Variants in OTOGL observed in about 807,000 individuals in gnomAD.
OTOGL encodes the protein otogelin-like protein.
In OTOGL, 285 loss-of-function variants were observed where a neutral mutation model predicts 318.5. The ratio of observed to expected loss-of-function variants is 0.89; its 90% CI spans 0.81 to 0.99. The LOEUF is 0.99. Among genes scored for constraint, OTOGL ranks in the 50% least tolerant of loss-of-function variants. OTOGL has a pLI of 0.00. For synonymous variants in OTOGL, 987 were observed against 936.5 expected, an observed-to-expected ratio of 1.05 and a Z score of -0.99; for missense variants, 2,899 against 2,845.6, an observed-to-expected ratio of 1.02 and a Z score of -0.43.
rs1880098531 is a variant in OTOGL at position 80,238,864 on chromosome 12, A to G, written c.831A>G (p.Glu277=). 1.3e-6 allele frequency: 2 copies of G among 1,550,470 alleles called. No individual in the cohort carries two copies. Among genetic ancestry groups the G allele is most frequent in the East Asian group, 2.4e-5 (1 of 42,422 alleles). The change falls in exon 10 of 59, where the codon GAA becomes GAG. Residue 277 remains glutamate, a synonymous_variant. Transcript: ENST00000547103. ...DFIILQEDYT[E]DIAMFANSWS... ...TGTGTGAAATAGAGGACTATACAGA[A>G]GACATCGCTATGTTTGCAAATAGTT...
In OTOGL at chr12:80,358,367, A is replaced by G; in HGVS notation, c.6121+18A>G. 6.6e-7 allele frequency: 1 copy of G among 1,522,290 alleles called. No homozygotes were observed. Among genetic ancestry groups the G allele is most frequent in the Non-Finnish European group, 9.0e-7 (1 of 1,108,894 alleles). The allele number at this position is 1,522,290 out of a possible 1,614,324, so 94.3% of individuals were successfully genotyped here. ...TTACTGTGGTAAGTGTATATTAACT[A>G]TTCTAAAATATTTAGATGTGTCCAA... On this transcript the variant is annotated intron_variant, in intron 50 of 58. Transcript: ENST00000547103.
intron 1 of OTOGL, among the ~76,000 whole-genome samples, chr12:80,151,346 C>A (rs1872769529): frequency 6.6e-6 from 1 of 152,160 alleles, no homozygotes; most frequent in African/African-American, 2.4e-5. Context: ...ACAGCTCAAA[C>A]AGGTATGCTT....
At chr12:80,111,080 C>T (rs752161725) in intron 1 of OTOGL, among the ~76,000 whole-genome samples, 1 of 152,114 alleles carries the variant, frequency 6.6e-6, no homozygotes, top group Non-Finnish European at 1.5e-5. Flanking sequence ...CTCTTCATAT[C>T]CTTTGCCCAC....
chr12:80,232,764 C>A, intron 8 of OTOGL, 128 bp from the exon 9 acceptor site: 1 of 864,268 alleles, frequency 1.2e-6, no homozygotes, highest in Non-Finnish European at 1.7e-6. Flanking sequence ...GGAGCTCTTG[C>A]TGCACAGCTT....
intron 8 of OTOGL, among the ~76,000 whole-genome samples, chr12:80,232,244 C>A (rs1879433085): frequency 6.6e-6 from 1 of 152,052 alleles, no homozygotes. Context: ...CACCTCTATG[C>A]AATACTGTAT....
chr12:80,342,219 G>A, intron 44 of OTOGL, 57 bp downstream of exon 44: 2 of 1,314,476 alleles, frequency 1.5e-6, no homozygotes, highest in Non-Finnish European at 2.1e-6. Context: ...GAGAGTAAAA[G>A]CCAATACGTT....
intron 44 of OTOGL, among the ~76,000 whole-genome samples, chr12:80,345,142 TTA>T (rs1889102760): frequency 1.5e-5 from 2 of 137,018 alleles, no homozygotes; most frequent in Admixed American, 8.1e-5. Flanking sequence ...ATAATATATA[TTA>T]TATGTTATAT....
At chr12:80,170,178 G>GGT (rs532627744) in intron 1 of OTOGL, among the ~76,000 whole-genome samples, 17,914 of 144,026 alleles carry the variant, frequency 0.12, 1,098 homozygotes, top group Middle Eastern at 0.18. Context: ...CTTTGTCAGG[G>GGT]GTGTGTGTGT....
intron 21 of OTOGL, among the ~76,000 whole-genome samples, 179 bp downstream of exon 21, chr12:80,266,795 G>T (rs1883014625): frequency 1.3e-5 from 2 of 151,902 alleles, no homozygotes; most frequent in Admixed American, 1.3e-4. Flanking sequence ...ATCTCTGATG[G>T]TTGATCTTGA....
At chr12:80,243,176 G>A (rs541915755) in intron 11 of OTOGL, among the ~76,000 whole-genome samples, 1 of 152,200 alleles carries the variant, frequency 6.6e-6, no homozygotes. Flanking sequence ...TGAAAGCAGT[G>A]TGAGAGAATG....
intron 55 of OTOGL, among the ~76,000 whole-genome samples, chr12:80,368,905 A>G (rs1379637483): frequency 1.3e-5 from 2 of 151,836 alleles, no homozygotes; most frequent in Admixed American, 6.6e-5. Flanking sequence ...TAGCATAAAT[A>G]TAATCTATTA....
At chr12:80,328,797 T>C (rs1233281828) in intron 36 of OTOGL, 53 bp downstream of exon 36, 8 of 1,473,868 alleles carry the variant, frequency 5.4e-6, no homozygotes, top group Non-Finnish European at 6.6e-6. Context: ...CTTGCATATG[T>C]TTTTTCCGAG....
intron 1 of OTOGL, among the ~76,000 whole-genome samples, chr12:80,135,600 A>T (rs566790683): frequency 5.3e-5 from 8 of 152,212 alleles, no homozygotes; most frequent in Admixed American, 5.2e-4. Flanking sequence ...TCTGAATGAC[A>T]GTCATACTCT....
intron 1 of OTOGL, among the ~76,000 whole-genome samples, chr12:80,193,549 G>A (rs1260422253): frequency 6.6e-6 from 1 of 151,916 alleles, no homozygotes; most frequent in Non-Finnish European, 1.5e-5. Flanking sequence ...AATAAGGTTA[G>A]CATATATTAT....
At position 80,229,258 on chromosome 12, in the gene OTOGL, T is replaced by C. The variant is rs369429719; in HGVS notation, c.491T>C (p.Val164Ala). The C allele has an allele frequency of 1.5e-5, 24 of 1,597,394 alleles. No homozygotes were observed. In the African/African-American group the frequency reaches 3.1e-4, roughly 20 times the overall value. Residue 164 changes from valine to alanine, a missense_variant and splice_region_variant, in exon 8 of 59, where the codon GTT (valine) becomes GCT (alanine). Val to Ala is a moderately conservative substitution (Grantham distance 64). Coordinates refer to ENST00000547103, the MANE Select transcript of OTOGL (RefSeq NM_001378609.3). ...TCTTTTTGTTTTTCTCCCTTTAAGG[T>C]TCATAACAGCCCTAAATGCCTTGGT... ...GDLEPRYTVWVHNSPKCLGSV... is the reference protein window; with the variant it reads ...GDLEPRYTVWAHNSPKCLGSV...
At chr12:80,319,360 G>T (rs1887180018) in intron 33 of OTOGL, among the ~76,000 whole-genome samples, 1 of 152,168 alleles carries the variant, frequency 6.6e-6, no homozygotes, top group South Asian at 2.1e-4. Context: ...AACCATGCAT[G>T]ACATGTTGTA....
rs372227874 is a variant in OTOGL at position 80,132,014 on chromosome 12, C to T, written c.-20+32409C>T. 13 of 152,242 alleles carry T rather than the reference C, an allele frequency of 8.5e-5. No individual in the cohort carries two copies. In the East Asian group the frequency reaches 9.7e-4, roughly 11 times the overall value. The allele number at this position is 152,242 out of a possible 1,614,324, so 9.4% of individuals were successfully genotyped here. On this transcript the variant is annotated intron_variant, in intron 1 of 58. Coordinates refer to ENST00000547103, the MANE Select transcript of OTOGL (RefSeq NM_001378609.3). ...ATTAACTACTCCAGTTAGTATCAAC[C>T]GGGAACTTACTTGGAATGTACATTC...
intron 11 of OTOGL, among the ~76,000 whole-genome samples, chr12:80,240,046 A>C (rs1182162202): frequency 6.6e-6 from 1 of 152,072 alleles, no homozygotes; most frequent in Non-Finnish European, 1.5e-5. Context: ...TGTTGTTGCA[A>C]ATTACAGGAT....
intron 1 of OTOGL, chr12:80,103,274 G>A (rs879022747): frequency 2.5e-6 from 4 of 1,584,612 alleles, no homozygotes; most frequent in Non-Finnish European, 3.5e-6. Flanking sequence ...GGGAAGGTGC[G>A]TTGAAATGCC....
Sources: gnomAD v4.1 joint callset for allele counts (sites outside exome capture counted in the v4.1 genomes callset) on GRCh38, gnomAD v4.1.1 for gene constraint, MANE v1.5 for transcripts, NCBI Gene and HGNC (gene_info 2026-07-23, HGNC 2026-07-21) for gene names.